Variants in EPB41L5 observed in about 807,000 individuals in gnomAD.
The protein encoded by EPB41L5 is erythrocyte membrane protein band 4.1 like 5.
In EPB41L5, 55 loss-of-function variants were observed where a neutral mutation model predicts 106.6. The observed-to-expected ratio is 0.52, with a 90% CI of 0.42 to 0.65. The LOEUF (loss-of-function observed/expected upper bound fraction) is 0.65. Ranked by LOEUF, EPB41L5 falls within the 30% of genes least tolerant of loss-of-function variation. The probability of loss-of-function intolerance (pLI) is 0.00; values close to 1 mark genes in which losing one functional copy is unlikely to be tolerated. For missense variants in EPB41L5, 871 were observed against 882.1 expected, an observed-to-expected ratio of 0.99 and a Z score of 0.16; for synonymous variants, 297 against 306.7, an observed-to-expected ratio of 0.97 and a Z score of 0.33.
At chr2:120,022,655 G>A (rs1678018406) in intron 2 of EPB41L5, among the ~76,000 whole-genome samples, 1 of 152,146 alleles carries the variant, frequency 6.6e-6, no homozygotes, top group South Asian at 2.1e-4. Flanking sequence ...ATGTGCATGT[G>A]TCTTTACAGT....
chr2:120,055,008 A>C (rs111335662), intron 3 of EPB41L5, among the ~76,000 whole-genome samples: 1 of 151,512 alleles, frequency 6.6e-6, no homozygotes, highest in African/African-American at 2.4e-5. Context: ...CTGGGACTAC[A>C]GGCATGCACC....
At chr2:120,158,675 G>T (rs973166007) in intron 20 of EPB41L5, among the ~76,000 whole-genome samples, 1 of 152,118 alleles carries the variant, frequency 6.6e-6, no homozygotes, top group Admixed American at 6.5e-5. Context: ...TTGAGAACTG[G>T]CACAAGACAA....
chr2:120,133,148 T>C (rs921987299), intron 18 of EPB41L5, among the ~76,000 whole-genome samples: 2 of 151,992 alleles, frequency 1.3e-5, no homozygotes, highest in African/African-American at 2.4e-5. Context: ...CAATATTTAG[T>C]GAGGGTTTAC....
chr2:120,092,169 C>T (rs1197205677), intron 13 of EPB41L5, among the ~76,000 whole-genome samples: 1 of 152,114 alleles, frequency 6.6e-6, no homozygotes, highest in Non-Finnish European at 1.5e-5. Flanking sequence ...GCTGGGATTA[C>T]AGGCATGCGC....
intron 18 of EPB41L5, among the ~76,000 whole-genome samples, chr2:120,138,405 A>G (rs549491435): frequency 6.8e-4 from 104 of 152,196 alleles, no homozygotes; most frequent in African/African-American, 2.5e-3. Context: ...AAGAATTCAA[A>G]TTATCATCAG....
chr2:120,022,384 CTG>C (rs913479005), intron 2 of EPB41L5, among the ~76,000 whole-genome samples: 3 of 147,290 alleles, frequency 2.0e-5, no homozygotes, highest in African/African-American at 7.4e-5. Context: ...CTCCCTGTGT[CTG>C]TGTGTTCTCA....
At chr2:120,018,709 C>T (rs573104306) in intron 1 of EPB41L5, among the ~76,000 whole-genome samples, 2 of 152,102 alleles carry the variant, frequency 1.3e-5, no homozygotes, top group African/African-American at 2.4e-5. Context: ...TGCAGTGGCG[C>T]AATCCCAGCT....
chr2:120,116,954 T>C (rs1164493391), intron 16 of EPB41L5, among the ~76,000 whole-genome samples: 1 of 152,226 alleles, frequency 6.6e-6, no homozygotes, highest in East Asian at 1.9e-4. Flanking sequence ...TTTTTCCATT[T>C]AAAGCTTCTA....
At chr2:120,161,766 C>T (rs2105539434) in intron 21 of EPB41L5, among the ~76,000 whole-genome samples, 1 of 152,276 alleles carries the variant, frequency 6.6e-6, no homozygotes, top group East Asian at 1.9e-4. Flanking sequence ...CCTCTCAGAT[C>T]AGCTGTGGTG....
intron 2 of EPB41L5, among the ~76,000 whole-genome samples, chr2:120,022,258 C>T (rs912002427): frequency 1.3e-5 from 2 of 152,028 alleles, no homozygotes; most frequent in Non-Finnish European, 2.9e-5. Flanking sequence ...TAGGTATACA[C>T]GTGCCATCGT....
Position 120,146,229 on chromosome 2 carries a change from C to T in EPB41L5, c.1733C>T (p.Thr578Ile). 1 of 1,593,102 alleles carries T rather than the reference C, an allele frequency of 6.3e-7. No individual in the cohort carries two copies. The highest frequency in any genetic ancestry group is 8.6e-7 in the Non-Finnish European group (1 of 1,162,004). The change falls in exon 20 of 25, where the codon ACA (threonine) becomes ATA (isoleucine). Residue 578 changes from threonine to isoleucine, a missense_variant. Transcript: ENST00000263713. ...KAQVEAVHKV[T>I]KEDSLLSHKN... ...TTTAATATTTCATTTTCTTAGGTTA[C>T]AAAAGAAGATAGCTTATTAAGTCAT...
At chr2:120,042,234 G>A (rs977664261) in intron 3 of EPB41L5, 124 bp downstream of exon 3, 22 of 591,368 alleles carry the variant, frequency 3.7e-5, no homozygotes, top group East Asian at 1.9e-4. Flanking sequence ...CTTTGACACC[G>A]CTCCCTCCCC....
At chr2:120,049,760 G>A (rs986657442) in intron 3 of EPB41L5, among the ~76,000 whole-genome samples, 28 of 152,082 alleles carry the variant, frequency 1.8e-4, no homozygotes, top group African/African-American at 3.9e-4. Flanking sequence ...TCCTAGCATC[G>A]ATGGTCTTTA....
chr2:120,143,930 TTTAA>T (rs1360287082), intron 19 of EPB41L5, among the ~76,000 whole-genome samples: 1 of 152,162 alleles, frequency 6.6e-6, no homozygotes, highest in Admixed American at 6.5e-5. Context: ...TGAGCCACAG[TTTAA>T]TTATGTATAA....
At chr2:120,075,625 CA>C (rs1682176489) in intron 6 of EPB41L5, 75 bp from the exon 7 acceptor site, 2 of 1,429,818 alleles carry the variant, frequency 1.4e-6, no homozygotes, top group South Asian at 2.3e-5. Flanking sequence ...CAACATAAAA[CA>C]TGTATTATTT....
intron 20 of EPB41L5, among the ~76,000 whole-genome samples, chr2:120,159,324 G>A (rs1273533631): frequency 1.3e-5 from 2 of 150,432 alleles, no homozygotes; most frequent in Non-Finnish European, 3.0e-5. Flanking sequence ...TCGGGAGGCT[G>A]AGGCAGGAGA....
At chr2:120,081,977 TG>T (rs1400728156) in intron 10 of EPB41L5, among the ~76,000 whole-genome samples, 13 of 152,360 alleles carry the variant, frequency 8.5e-5, no homozygotes, top group South Asian at 8.3e-4. Flanking sequence ...GAGACTTTGC[TG>T]AAGTTCCTTA....
At chr2:120,131,487 G>C (rs1334444654) in intron 17 of EPB41L5, 131 bp from the exon 18 acceptor site, 2 of 623,736 alleles carry the variant, frequency 3.2e-6, no homozygotes, top group Non-Finnish European at 5.8e-6. Flanking sequence ...TTTATTTTGT[G>C]TTTATCTGGA....
chr2:120,087,412 T>C (rs187546959), intron 11 of EPB41L5, among the ~76,000 whole-genome samples, 172 bp downstream of exon 11: 1 of 152,346 alleles, frequency 6.6e-6, no homozygotes, highest in East Asian at 1.9e-4. Flanking sequence ...GCTAAAAATA[T>C]GGTTTTCTGC....
Sources: gnomAD v4.1 joint callset for allele counts (sites outside exome capture counted in the v4.1 genomes callset) on GRCh38, gnomAD v4.1.1 for gene constraint, MANE v1.5 for transcripts, NCBI Gene and HGNC (gene_info 2026-07-23, HGNC 2026-07-21) for gene names.